KIAA0825: variants seen among roughly 807,000 people sequenced by gnomAD.
KIAA0825 encodes uncharacterized protein KIAA0825.
In KIAA0825, 119 loss-of-function variants were observed where a neutral mutation model predicts 147.6. The observed-to-expected ratio is 0.81, with a 90% CI of 0.69 to 0.94. The LOEUF (loss-of-function observed/expected upper bound fraction) is 0.94, where lower values mean the gene tolerates loss of function less well. KIAA0825 is among the 40% of genes least tolerant of loss of function. The pLI is 0.00. For missense variants in KIAA0825, 1,381 were observed against 1,472.7 expected (o/e 0.94, Z 1.02); for synonymous variants, 470 against 518.1 (o/e 0.91, Z 1.26).
At chr5:94,209,443 A>G (rs1324800871) in intron 20 of KIAA0825, among the ~76,000 whole-genome samples, 2 of 152,184 alleles carry the variant, frequency 1.3e-5, no homozygotes, top group Non-Finnish European at 2.9e-5. Context: ...TTTGCACATC[A>G]GTAGGTCCGG....
At chr5:94,573,302 ACT>A (rs1472435127) in intron 2 of KIAA0825, among the ~76,000 whole-genome samples, 3 of 130,324 alleles carry the variant, frequency 2.3e-5, no homozygotes, top group Non-Finnish European at 4.7e-5. Flanking sequence ...AGGGAGTCTC[ACT>A]CTGTCATCCA....
At chr5:94,566,291 A>G (rs1017977173) in intron 2 of KIAA0825, among the ~76,000 whole-genome samples, 1 of 152,200 alleles carries the variant, frequency 6.6e-6, no homozygotes, top group Non-Finnish European at 1.5e-5. Flanking sequence ...AATGAAGCAT[A>G]TTTACATAAA....
At chr5:94,516,574 C>T (rs570798130) in intron 5 of KIAA0825, among the ~76,000 whole-genome samples, 170 of 151,588 alleles carry the variant, frequency 1.1e-3, no homozygotes, top group African/African-American at 4.0e-3. Flanking sequence ...GAGGCCGAGG[C>T]GGGCGGATCA....
At chr5:94,189,555 A>T (rs1259625403) in intron 20 of KIAA0825, among the ~76,000 whole-genome samples, 2 of 152,174 alleles carry the variant, frequency 1.3e-5, no homozygotes, top group Non-Finnish European at 2.9e-5. Context: ...GAAATAACTT[A>T]GCACTTTTGT....
intron 2 of KIAA0825, among the ~76,000 whole-genome samples, chr5:94,556,691 T>C (rs1429356122): frequency 6.6e-6 from 1 of 152,224 alleles, no homozygotes; most frequent in Admixed American, 6.5e-5. Flanking sequence ...ACCAGTCTTG[T>C]ATCATCAATA....
intron 12 of KIAA0825, among the ~76,000 whole-genome samples, chr5:94,454,686 A>G (rs559938914): frequency 2.0e-5 from 3 of 152,300 alleles, no homozygotes; most frequent in East Asian, 1.9e-4. Context: ...TGAAGAGTGT[A>G]TAGCATGGGA....
intron 5 of KIAA0825, among the ~76,000 whole-genome samples, chr5:94,515,684 T>C (rs1039824721): frequency 1.3e-5 from 2 of 150,940 alleles, no homozygotes; most frequent in Non-Finnish European, 2.9e-5. Context: ...CCCAGCTACT[T>C]GGGAGACTGA....
chr5:94,381,061 C>A (rs1748338481), intron 20 of KIAA0825, among the ~76,000 whole-genome samples: 1 of 152,142 alleles, frequency 6.6e-6, no homozygotes, highest in Non-Finnish European at 1.5e-5. Flanking sequence ...GTTCACTTGG[C>A]TTTTTGACCT....
chr5:94,208,844 C>T (rs1015576964), intron 20 of KIAA0825, among the ~76,000 whole-genome samples: 2 of 152,206 alleles, frequency 1.3e-5, no homozygotes, highest in Non-Finnish European at 2.9e-5. Context: ...AGTGTTTGAA[C>T]TTGAAAACGG....
Position 94,274,498 on chromosome 5 carries a change from T to A in KIAA0825, c.3710+109870A>T, listed in dbSNP as rs144399908. On this transcript the variant is annotated intron_variant, in intron 20 of 20. Transcript: ENST00000682413. ...TCCAGGCTCCGAGCTAATTACTGAG[T>A]CACTAGATAAGAGGAAATGTACCTG... Among the ~76,000 whole-genome samples, 463 of 152,166 alleles carry A rather than the reference T, an allele frequency of 3.0e-3. 1 individual carries two copies. Among genetic ancestry groups the A allele is most frequent in the African/African-American group, 0.01 (436 of 41,530 alleles).
intron 20 of KIAA0825, among the ~76,000 whole-genome samples, chr5:94,159,921 T>C (rs879761509): frequency 4.6e-5 from 7 of 152,208 alleles, no homozygotes; most frequent in Non-Finnish European, 8.8e-5. Context: ...TATTAGTTAA[T>C]TGTAGTGTTA....
chr5:94,599,030 T>G lies in KIAA0825; in HGVS notation c.-152-16447A>C, dbSNP rs186411109. Among the ~76,000 whole-genome samples, 4 of 152,300 alleles carry G rather than the reference T, an allele frequency of 2.6e-5. No individual in the cohort carries two copies. The East Asian group carries it at 7.7e-4, about 29-fold the overall frequency. ...GATCATATGGTAGTTCTATTTTCAG[T>G]TTTTCTTTTTAGAAAGCTGAATACT... On this transcript the variant is annotated intron_variant, in intron 1 of 20. Transcript: ENST00000682413.
Position 94,471,699 on chromosome 5 carries a change from T to C in KIAA0825, c.1488A>G (p.Thr496=), listed in dbSNP as rs1584598523. 6.4e-7 allele frequency: 1 copy of C among 1,552,356 alleles called. No homozygotes were observed. Among genetic ancestry groups the C allele is most frequent in the Non-Finnish European group, 8.7e-7 (1 of 1,147,128 alleles). Residue 496 remains threonine (T), a synonymous_variant, in exon 9 of 21, where the codon ACA becomes ACG. Coordinates refer to ENST00000682413, the MANE Select transcript of KIAA0825 (RefSeq NM_001145678.3). ...FCSDIMEKLD[T]MLPLALACRD... ...TGCATGCCAGAGCCAGTGGAAGCAT[T>C]GTGTCAAGTTTTTCCATGATGTCAG...
chr5:94,155,001 A>G (rs1388310708), intron 20 of KIAA0825, among the ~76,000 whole-genome samples: 1 of 152,126 alleles, frequency 6.6e-6, no homozygotes, highest in Non-Finnish European at 1.5e-5. Flanking sequence ...GTGCTGATAC[A>G]GTCTAAAAGA....
At chr5:94,554,717 T>C (rs1162886793) in intron 2 of KIAA0825, among the ~76,000 whole-genome samples, 1 of 3,050 alleles carries the variant, frequency 3.3e-4, no homozygotes, top group Non-Finnish European at 6.1e-4. Flanking sequence ...TTCTGTGTAC[T>C]ATATATATAT....
chr5:94,482,881 A>G (rs576794233), intron 6 of KIAA0825, among the ~76,000 whole-genome samples: 16 of 152,100 alleles, frequency 1.1e-4, no homozygotes, highest in South Asian at 8.3e-4. Context: ...TAATCCACAA[A>G]TGTGTTCATA....
rs115476842 is a variant in KIAA0825, at chr5:94,442,960, G to A, written c.2358-2839C>T. Among the ~76,000 whole-genome samples the A allele has an allele frequency of 8.3e-3, 1,271 of 152,232 alleles. 14 individuals are homozygous for A. Among genetic ancestry groups the A allele is most frequent in the Non-Finnish European group, 0.011 (722 of 68,016 alleles). ...TGATCTGGTTGCAGTGTGGTGAATG[G>A]ATTGGAGGTGGTTGGTGTTTTCCTT... is the stretch of plus-strand genomic sequence containing the variant. On this transcript the variant is annotated intron_variant, in intron 13 of 20. Coordinates refer to ENST00000682413, the MANE Select transcript of KIAA0825 (RefSeq NM_001145678.3).
chr5:94,545,756 T>C (rs1774226695), intron 2 of KIAA0825, among the ~76,000 whole-genome samples: 1 of 152,206 alleles, frequency 6.6e-6, no homozygotes, highest in South Asian at 2.1e-4. Context: ...CTTAGATATG[T>C]TGACTTTAGG....
chr5:94,487,671 G>A (rs1486389533), intron 5 of KIAA0825, among the ~76,000 whole-genome samples: 1 of 152,002 alleles, frequency 6.6e-6, no homozygotes, highest in African/African-American at 2.4e-5. Context: ...TCTCCTTTCC[G>A]CATTTTTCAG....
Sources: gnomAD v4.1 joint callset for allele counts (sites outside exome capture counted in the v4.1 genomes callset) on GRCh38, gnomAD v4.1.1 for gene constraint, MANE v1.5 for transcripts, NCBI Gene and HGNC (gene_info 2026-07-23, HGNC 2026-07-21) for gene names.